Variants in STEAP1B observed in about 807,000 individuals in gnomAD.
STEAP1B encodes the protein STEAP family member 1B, also known as STEAP family protein MGC87042.
In STEAP1B, 13 loss-of-function variants were observed where a neutral mutation model predicts 27.9. The ratio of observed to expected loss-of-function variants is 0.47; its 90% CI spans 0.30 to 0.74. The LOEUF (loss-of-function observed/expected upper bound fraction) is 0.74, where lower values mean the gene tolerates loss of function less well. Ranked by LOEUF, STEAP1B falls within the 30% of genes least tolerant of loss-of-function variation. The pLI, the probability that STEAP1B is intolerant of heterozygous loss-of-function variation, is 0.06. For missense variants in STEAP1B, 250 were observed against 298.7 expected, an observed-to-expected ratio of 0.84 and a Z score of 1.20; for synonymous variants, 86 against 107.1, an observed-to-expected ratio of 0.80 and a Z score of 1.22.
chr7:22,467,020 A>T (rs148160786), intron 4 of STEAP1B, among the ~76,000 whole-genome samples: 53 of 152,350 alleles, frequency 3.5e-4, no homozygotes, highest in African/African-American at 1.3e-3. Flanking sequence ...AATGCTAAGG[A>T]CAAATTTGCT....
chr7:22,444,090 G>A (rs76256958), intron 4 of STEAP1B, among the ~76,000 whole-genome samples: 1,945 of 152,292 alleles, frequency 0.013, 41 homozygotes, highest in African/African-American at 0.044. Flanking sequence ...ACAGAGTCAC[G>A]CTCAGGGCTT....
intron 4 of STEAP1B, among the ~76,000 whole-genome samples, chr7:22,470,597 C>G (rs1458437158): frequency 6.6e-6 from 1 of 152,152 alleles, no homozygotes; most frequent in Non-Finnish European, 1.5e-5. Flanking sequence ...AAAACCCCAT[C>G]TCTACTAAAA....
Position 22,495,962 on chromosome 7 carries a change from A to AG in STEAP1B, c.-31-1077dup, listed in dbSNP as rs1786433185. Among the ~76,000 whole-genome samples the AG allele has an allele frequency of 2.6e-5, 4 of 152,354 alleles. No individual in the cohort carries two copies. The East Asian group carries it at 7.7e-4, about 29-fold the overall frequency. ...GTGTACTCCTTCTACTTACAAAAAA[A>AG]GAGCTAACTGTAAACAGCCCTAGGC... On this transcript the variant is annotated intron_variant, in intron 1 of 4. Coordinates refer to ENST00000678116, the MANE Select transcript of STEAP1B (RefSeq NM_001382447.1).
At chr7:22,426,214 A>G (rs1314383018) in intron 4 of STEAP1B, among the ~76,000 whole-genome samples, 1 of 152,226 alleles carries the variant, frequency 6.6e-6, no homozygotes, top group Non-Finnish European at 1.5e-5. Flanking sequence ...AAGTTTGAAT[A>G]GTTTAATATT....
chr7:22,500,131 T>C lies in STEAP1B; in HGVS notation c.-49A>G, dbSNP rs1280517741. ...GGACTCACCCACTCCTCGCCGTAGC[T>C]TGACCGTGAGTCTCAGCTGCCGCTG... On this transcript the variant is annotated 5_prime_UTR_variant, in exon 1 of 5. Transcript: ENST00000678116. 1.3e-5 allele frequency: 2 copies of C among 153,642 alleles called. No individual in the cohort carries two copies. The highest frequency in any genetic ancestry group is 4.8e-5 in the African/African-American group (2 of 41,506). The allele number at this position is 153,642 out of a possible 1,614,324, so 9.5% of individuals were successfully genotyped here.
At chr7:22,424,538 A>G (rs934349955) in intron 4 of STEAP1B, among the ~76,000 whole-genome samples, 2 of 152,186 alleles carry the variant, frequency 1.3e-5, no homozygotes, top group Non-Finnish European at 2.9e-5. Context: ...ATCTCCTTGT[A>G]TGCTGTTGGA....
intron 4 of STEAP1B, among the ~76,000 whole-genome samples, chr7:22,428,479 CAAG>C (rs1018306889): frequency 1.3e-5 from 2 of 151,064 alleles, no homozygotes; most frequent in Non-Finnish European, 1.5e-5. Context: ...AGAAAAAGGA[CAAG>C]AAGAGGGAGA....
At chr7:22,473,907 G>A (rs1276854293) in intron 4 of STEAP1B, among the ~76,000 whole-genome samples, 1 of 152,194 alleles carries the variant, frequency 6.6e-6, no homozygotes, top group Non-Finnish European at 1.5e-5. Flanking sequence ...AAACCTGCCT[G>A]GGACTGACTA....
chr7:22,444,657 T>C (rs1052076315), intron 4 of STEAP1B, among the ~76,000 whole-genome samples: 1 of 152,212 alleles, frequency 6.6e-6, no homozygotes, highest in Non-Finnish European at 1.5e-5. Context: ...ATTGTGCCTC[T>C]TGCAGGAATT....
intron 4 of STEAP1B, among the ~76,000 whole-genome samples, chr7:22,452,580 G>A (rs944883380): frequency 1.3e-5 from 2 of 152,098 alleles, no homozygotes; most frequent in African/African-American, 2.4e-5. Context: ...CAAACGTCAA[G>A]AGAAAAGTAC....
At chr7:22,437,857 G>C (rs759530700) in intron 4 of STEAP1B, among the ~76,000 whole-genome samples, 1 of 152,148 alleles carries the variant, frequency 6.6e-6, no homozygotes, top group Non-Finnish European at 1.5e-5. Context: ...AATTAGTGAC[G>C]TGATTATTGA....
chr7:22,473,117 T>G (rs982417069), intron 4 of STEAP1B, among the ~76,000 whole-genome samples: 1 of 152,038 alleles, frequency 6.6e-6, no homozygotes, highest in African/African-American at 2.4e-5. Flanking sequence ...AAATATAACG[T>G]GATGCATTAC....
At chr7:22,426,913 G>A (rs922321369) in intron 4 of STEAP1B, among the ~76,000 whole-genome samples, 1 of 152,228 alleles carries the variant, frequency 6.6e-6, no homozygotes, top group East Asian at 1.9e-4. Flanking sequence ...ATTTTACACG[G>A]TTTGGTGAAG....
chr7:22,445,714 C>A (rs1050659895), intron 4 of STEAP1B, among the ~76,000 whole-genome samples: 1 of 152,266 alleles, frequency 6.6e-6, no homozygotes, highest in African/African-American at 2.4e-5. Context: ...GAGGGCACTG[C>A]TCTCCAAGCA....
intron 4 of STEAP1B, chr7:22,438,724 C>T: frequency 6.4e-7 from 1 of 1,551,558 alleles, no homozygotes; most frequent in African/African-American, 1.4e-5. Context: ...CTGAAAGTTG[C>T]ACAAAGCTAC....
At chr7:22,465,925 A>G (rs1785771476) in intron 4 of STEAP1B, among the ~76,000 whole-genome samples, 1 of 152,040 alleles carries the variant, frequency 6.6e-6, no homozygotes, top group African/African-American at 2.4e-5. Context: ...CAAAACTCAG[A>G]GCCTCGATCT....
intron 4 of STEAP1B, among the ~76,000 whole-genome samples, chr7:22,467,937 C>T (rs771764477): frequency 1.2e-4 from 18 of 152,156 alleles, no homozygotes; most frequent in Admixed American, 2.0e-4. Flanking sequence ...AGTTCCAATC[C>T]TCTTGAGACT....
At chr7:22,449,925 T>C (rs1042347855) in intron 4 of STEAP1B, among the ~76,000 whole-genome samples, 10 of 152,242 alleles carry the variant, frequency 6.6e-5, no homozygotes, top group African/African-American at 2.2e-4. Context: ...CATATGCCTG[T>C]CTGCCATTTG....
At position 22,473,068 on chromosome 7, in the gene STEAP1B, G is replaced by C. The variant is rs1785911854; in HGVS notation, c.762+19497C>G. Among the ~76,000 whole-genome samples, 3 of 152,138 alleles carry C rather than the reference G, an allele frequency of 2.0e-5. No individual in the cohort carries two copies. In the South Asian group the frequency reaches 6.2e-4, roughly 32 times the overall value. ...TCCTGAAGCAAGCCCAGGGCAGTGAGAGTGAAAGCAAAGGTGGAATTGAGG... is the reference window on the plus strand; with the variant it reads ...TCCTGAAGCAAGCCCAGGGCAGTGACAGTGAAAGCAAAGGTGGAATTGAGG... On this transcript the variant is annotated intron_variant, in intron 4 of 4. Transcript: ENST00000678116.
Sources: allele counts gnomAD v4.1 joint callset (sites outside exome capture counted in the v4.1 genomes callset), GRCh38; gene constraint gnomAD v4.1.1; transcripts MANE v1.5; gene names NCBI Gene and HGNC (gene_info 2026-07-23, HGNC 2026-07-21).